Variants in EPHB1 observed in about 807,000 individuals in gnomAD.
The protein encoded by EPHB1 is ephrin type-B receptor 1.
EPHB1 carries 30 observed loss-of-function variants against 94.4 expected under a neutral mutation model. The ratio of observed to expected loss-of-function variants is 0.32; its 90% CI spans 0.24 to 0.43. The LOEUF (loss-of-function observed/expected upper bound fraction) is 0.43, where lower values mean the gene tolerates loss of function less well. Ranked by LOEUF, EPHB1 falls within the 20% of genes least tolerant of loss-of-function variation. The pLI, the probability that EPHB1 is intolerant of heterozygous loss-of-function variation, is 1.00. For missense variants in EPHB1, 1,055 were observed against 1,308.3 expected (o/e 0.81, Z 2.99); for synonymous variants, 522 against 489.1 (o/e 1.07, Z -0.89).
intron 1 of EPHB1, among the ~76,000 whole-genome samples, chr3:134,874,944 A>G (rs1287918799): frequency 2.0e-5 from 3 of 152,186 alleles, no homozygotes; most frequent in Non-Finnish European, 4.4e-5. Context: ...TCAAGCTCAG[A>G]GTCACTGATT....
At chr3:135,015,324 T>C (rs1935760499) in intron 3 of EPHB1, among the ~76,000 whole-genome samples, 1 of 151,766 alleles carries the variant, frequency 6.6e-6, no homozygotes, top group African/African-American at 2.4e-5. Flanking sequence ...CACTGCAACC[T>C]CTACCTCCTG....
chr3:135,123,608 A>G (rs1041518529), intron 4 of EPHB1, among the ~76,000 whole-genome samples: 4 of 152,138 alleles, frequency 2.6e-5, no homozygotes, highest in African/African-American at 9.7e-5. Context: ...AGTGCTGGGC[A>G]TGCATACCCA....
intron 10 of EPHB1, among the ~76,000 whole-genome samples, 185 bp downstream of exon 10, chr3:135,180,167 G>A (rs2107704977): frequency 6.6e-6 from 1 of 152,230 alleles, no homozygotes; most frequent in South Asian, 2.1e-4. Flanking sequence ...ACATCACTTG[G>A]GATCTTTGGG....
chr3:134,820,757 C>T (rs376170428), intron 1 of EPHB1, among the ~76,000 whole-genome samples: 4 of 152,178 alleles, frequency 2.6e-5, no homozygotes, highest in African/African-American at 9.7e-5. Flanking sequence ...CATGCTTCCT[C>T]CTGCCCCGGA....
chr3:134,901,488 C>A (rs1196691552), intron 1 of EPHB1, among the ~76,000 whole-genome samples: 1 of 152,208 alleles, frequency 6.6e-6, no homozygotes, highest in Non-Finnish European at 1.5e-5. Context: ...CCCTGGACAT[C>A]CTGCAAACTG....
At chr3:134,929,431 A>G in intron 2 of EPHB1, among the ~76,000 whole-genome samples, 1 of 152,156 alleles carries the variant, frequency 6.6e-6, no homozygotes, top group East Asian at 1.9e-4. Context: ...GTGGCTGACA[A>G]CTGTGCACGG....
At chr3:135,251,509 T>G (rs111495214) in intron 15 of EPHB1, among the ~76,000 whole-genome samples, 3,014 of 152,180 alleles carry the variant, frequency 0.02, 104 homozygotes, top group African/African-American at 0.067. Flanking sequence ...AACTATAAAT[T>G]AAGGGATTTC....
intron 1 of EPHB1, among the ~76,000 whole-genome samples, chr3:134,877,806 G>A (rs977046720): frequency 1.3e-5 from 2 of 152,148 alleles, no homozygotes; most frequent in African/African-American, 4.8e-5. Context: ...TAACCTGGAG[G>A]GCCTGGGGAT....
intron 12 of EPHB1, among the ~76,000 whole-genome samples, chr3:135,238,570 C>A (rs1034469638): frequency 1.3e-5 from 2 of 152,182 alleles, no homozygotes; most frequent in African/African-American, 4.8e-5. Context: ...TTCAGAAGAG[C>A]CACACTGTCA....
At chr3:135,139,310 C>G (rs1940732917) in intron 5 of EPHB1, among the ~76,000 whole-genome samples, 1 of 152,202 alleles carries the variant, frequency 6.6e-6, no homozygotes, top group Non-Finnish European at 1.5e-5. Flanking sequence ...CTGATCCACT[C>G]AGAGGAACAC....
intron 13 of EPHB1, 36 bp from the exon 14 acceptor site, chr3:135,248,280 C>T (rs752271132): frequency 2.0e-6 from 3 of 1,491,710 alleles, no homozygotes; most frequent in Non-Finnish European, 1.8e-6. Flanking sequence ...TGGTGGCAGT[C>T]ACTCAATCAC....
intron 3 of EPHB1, among the ~76,000 whole-genome samples, chr3:134,976,049 G>A (rs902361215): frequency 2.0e-5 from 3 of 152,218 alleles, no homozygotes; most frequent in African/African-American, 7.2e-5. Context: ...CCTGGAGGGA[G>A]TCTGCCTTGG....
At chr3:135,033,824 G>A (rs1300550962) in intron 3 of EPHB1, among the ~76,000 whole-genome samples, 3 of 152,218 alleles carry the variant, frequency 2.0e-5, no homozygotes, top group Admixed American at 6.5e-5. Context: ...CACCATCCAA[G>A]TCTAATGTAT....
intron 15 of EPHB1, among the ~76,000 whole-genome samples, chr3:135,249,864 AAC>A (rs1396744023): frequency 2.0e-5 from 3 of 152,376 alleles, no homozygotes; most frequent in South Asian, 4.1e-4. Flanking sequence ...CTGATTCAGC[AAC>A]AGTCTGAGAT....
intron 1 of EPHB1, among the ~76,000 whole-genome samples, chr3:134,841,883 C>A (rs1160370685): frequency 6.6e-5 from 10 of 152,166 alleles, no homozygotes; most frequent in Admixed American, 6.5e-4. Flanking sequence ...TAATGATATT[C>A]CCCTTTGTTT....
chr3:135,083,958 G>A (rs1938251357), intron 3 of EPHB1, among the ~76,000 whole-genome samples: 1 of 152,126 alleles, frequency 6.6e-6, no homozygotes. Flanking sequence ...AGTTCAGTAG[G>A]TGTGTTTGTG....
intron 3 of EPHB1, among the ~76,000 whole-genome samples, chr3:135,039,843 G>A (rs1936778420): frequency 6.6e-6 from 1 of 152,338 alleles, no homozygotes; most frequent in Admixed American, 6.5e-5. Flanking sequence ...TCCAGCCTTG[G>A]CCAGCCCAGA....
chr3:135,196,272 C>T (rs995932383), intron 11 of EPHB1, among the ~76,000 whole-genome samples: 2 of 151,946 alleles, frequency 1.3e-5, no homozygotes, highest in African/African-American at 4.8e-5. Flanking sequence ...AAATTTTCTC[C>T]CATTTTGTAG....
intron 3 of EPHB1, among the ~76,000 whole-genome samples, chr3:135,017,008 C>T (rs1189109507): frequency 2.0e-5 from 3 of 152,210 alleles, no homozygotes; most frequent in Non-Finnish European, 2.9e-5. Context: ...GCAGAACTGG[C>T]AGACTTCTTC....
Sources: allele counts gnomAD v4.1 joint callset (sites outside exome capture counted in the v4.1 genomes callset), GRCh38; gene constraint gnomAD v4.1.1; transcripts MANE v1.5; gene names NCBI Gene and HGNC (gene_info 2026-07-23, HGNC 2026-07-21).